Variants in RABGEF1 observed in about 807,000 individuals in gnomAD.
RABGEF1 encodes the protein rab5 GDP/GTP exchange factor.
A neutral mutation model predicts 57.3 loss-of-function variants in RABGEF1; 26 were observed. That is an observed-to-expected ratio of 0.45 (90% CI 0.33 to 0.63). The LOEUF is 0.63. Ranked by LOEUF, RABGEF1 falls within the 20% of genes least tolerant of loss-of-function variation. The probability of loss-of-function intolerance (pLI) is 0.02; values close to 1 mark genes in which losing one functional copy is unlikely to be tolerated. For synonymous variants in RABGEF1, 185 were observed against 210.7 expected (o/e 0.88, Z 1.06); for missense variants, 464 against 607.6 (o/e 0.76, Z 2.48).
intron 1 of RABGEF1, among the ~76,000 whole-genome samples, chr7:66,684,822 G>A (rs1042630703): frequency 3.9e-5 from 6 of 151,904 alleles, no homozygotes; most frequent in Non-Finnish European, 8.8e-5. Context: ...TTTTAGTAGG[G>A]ACGGGGGTTT....
At chr7:66,753,692 T>A (rs6979167) in intron 1 of RABGEF1, among the ~76,000 whole-genome samples, 29,386 of 145,364 alleles carry the variant, frequency 0.2, 3,532 homozygotes, top group East Asian at 0.3. Context: ...AAATGTCTAT[T>A]TTGCCATCGT....
intron 4 of RABGEF1, among the ~76,000 whole-genome samples, chr7:66,793,094 T>A (rs1225916082): frequency 1.3e-5 from 2 of 152,110 alleles, no homozygotes; most frequent in Admixed American, 1.3e-4. Flanking sequence ...TTGACACCAG[T>A]AAGACAGGCC....
At chr7:66,695,107 G>A (rs556241080) in intron 1 of RABGEF1, among the ~76,000 whole-genome samples, 6 of 152,208 alleles carry the variant, frequency 3.9e-5, no homozygotes, top group African/African-American at 1.4e-4. Flanking sequence ...AGATCAGAAG[G>A]TCAAGACCAG....
At chr7:66,799,636 A>C (rs983105811) in intron 7 of RABGEF1, among the ~76,000 whole-genome samples, 2 of 152,196 alleles carry the variant, frequency 1.3e-5, no homozygotes, top group African/African-American at 4.8e-5. Context: ...TTTCTTGGGC[A>C]TTAAACTAAA....
At chr7:66,738,009 T>TTG, upstream of RABGEF1, among the ~76,000 whole-genome samples, 1 of 133,698 alleles carries the variant, frequency 7.5e-6, no homozygotes, top group East Asian at 2.9e-4. Flanking sequence ...TTGGTTGTGT[T>TTG]TTTTGTTTTT....
intron 1 of RABGEF1, among the ~76,000 whole-genome samples, chr7:66,690,100 C>CTTTTTTT (rs892888858): frequency 1.6e-5 from 2 of 124,214 alleles, no homozygotes; most frequent in Non-Finnish European, 3.4e-5. Flanking sequence ...ATAAAAAATT[C>CTTTTTTT]TTTTTTTTTT....
intron 1 of RABGEF1, among the ~76,000 whole-genome samples, chr7:66,688,114 A>G (rs2659915): frequency 0.5 from 73,348 of 146,936 alleles, 19,316 homozygotes; most frequent in East Asian, 0.74. Context: ...AAAAGTAACC[A>G]AATGACATCA....
intron 2 of RABGEF1, among the ~76,000 whole-genome samples, chr7:66,733,715 C>CA (rs1415771389): frequency 2.0e-5 from 3 of 149,248 alleles, no homozygotes; most frequent in African/African-American, 7.4e-5. Context: ...CAAAACAAAA[C>CA]AAAAAAACCC....
chr7:66,679,663 C>T (rs1789553512), upstream of RABGEF1, among the ~76,000 whole-genome samples: 1 of 151,828 alleles, frequency 6.6e-6, no homozygotes, highest in South Asian at 2.1e-4. Flanking sequence ...TGAAATGATA[C>T]CCACTTTTTG....
At chr7:66,684,115 A>C (rs1354076689) in intron 1 of RABGEF1, among the ~76,000 whole-genome samples, 2 of 152,172 alleles carry the variant, frequency 1.3e-5, no homozygotes. Context: ...TGACAGAACC[A>C]GGGAAGGGTT....
chr7:66,811,175 A>AT lies in RABGEF1; in HGVS notation c.*1892dup, dbSNP rs1257699249. On this transcript the variant is annotated 3_prime_UTR_variant, in exon 9 of 9. Transcript: ENST00000284957. ...ACACTCTGTTTGTTCAATAAACTGCATATCAACTTCCCACAAAAGCTGACT... is the reference window on the plus strand; with the variant it reads ...ACACTCTGTTTGTTCAATAAACTGCATTATCAACTTCCCACAAAAGCTGACT... 1 of 152,208 alleles carries AT rather than the reference A, an allele frequency of 6.6e-6. No individual in the cohort carries two copies. The highest frequency in any genetic ancestry group is 1.5e-5 in the Non-Finnish European group (1 of 68,036). The allele number at this position is 152,208 out of a possible 1,614,324, so 9.4% of individuals were successfully genotyped here.
chr7:66,700,496 A>AGGAGGGTAGTTGGGGGGAGGGGGG (rs1236605657), intron 1 of RABGEF1, among the ~76,000 whole-genome samples: 1 of 87,836 alleles, frequency 1.1e-5, no homozygotes, highest in African/African-American at 3.6e-5. Context: ...CCGGAGGGGG[A>AGGAGGGTAGTTGGGGGGAGGGGGG]GGTAGGGGAG....
the RABGEF1 span, among the ~76,000 whole-genome samples, chr7:66,660,686 T>C: frequency 1.3e-5 from 2 of 152,226 alleles, no homozygotes; most frequent in African/African-American, 4.8e-5. Flanking sequence ...AAATTACTAA[T>C]TAAAATCCTT....
intron 4 of RABGEF1, among the ~76,000 whole-genome samples, chr7:66,789,896 A>G (rs548775548): frequency 6.6e-6 from 1 of 152,238 alleles, no homozygotes; most frequent in East Asian, 1.9e-4. Flanking sequence ...TTCTGCACAC[A>G]GCTACAAAAC....
chr7:66,767,002 T>TTC (rs1401137902), intron 1 of RABGEF1, among the ~76,000 whole-genome samples: 2 of 43,744 alleles, frequency 4.6e-5, no homozygotes, highest in South Asian at 1.2e-3. Flanking sequence ...TCAAGTTTCT[T>TTC]TTTTTTTTTT....
chr7:66,757,395 T>C (rs1803013376), intron 1 of RABGEF1, among the ~76,000 whole-genome samples: 1 of 152,262 alleles, frequency 6.6e-6, no homozygotes, highest in Non-Finnish European at 1.5e-5. Context: ...TCAGCATTAA[T>C]AGTGTTTTAT....
chr7:66,779,608 G>A (rs903818120), intron 3 of RABGEF1, among the ~76,000 whole-genome samples: 3 of 151,460 alleles, frequency 2.0e-5, no homozygotes, highest in African/African-American at 7.3e-5. Context: ...GGAGGTTGAG[G>A]CTGCAATGTG....
chr7:66,759,537 AT>A (rs1260367218), intron 1 of RABGEF1, among the ~76,000 whole-genome samples: 5 of 152,172 alleles, frequency 3.3e-5, no homozygotes, highest in Non-Finnish European at 7.3e-5. Context: ...AGATTGAGTA[AT>A]TTATAAAGAA....
At chr7:66,730,475 T>A (rs1235154467) in intron 2 of RABGEF1, among the ~76,000 whole-genome samples, 1 of 152,170 alleles carries the variant, frequency 6.6e-6, no homozygotes, top group Non-Finnish European at 1.5e-5. Flanking sequence ...CACTGCAGCG[T>A]CAACCTCCTG....
Sources: allele counts gnomAD v4.1 joint callset (sites outside exome capture counted in the v4.1 genomes callset), GRCh38; gene constraint gnomAD v4.1.1; transcripts MANE v1.5; gene names NCBI Gene and HGNC (gene_info 2026-07-23, HGNC 2026-07-21).